The following USP9X variants were observed in gnomAD, a reference collection of about 807,000 sequenced individuals.
USP9X encodes ubiquitin carboxyl-terminal hydrolase 9X.
USP9X carries 7 observed loss-of-function variants against 190.3 expected under a neutral mutation model. The ratio of observed to expected loss-of-function variants is 0.04; its 90% CI spans 0.02 to 0.07. USP9X has a LOEUF of 0.07. Ranked by LOEUF, USP9X falls within the 10% of genes least tolerant of loss-of-function variation. USP9X has a pLI of 1.00. For missense variants in USP9X, 1,010 were observed against 1,916.9 expected, an observed-to-expected ratio of 0.53 and a Z score of 8.83; for synonymous variants, 645 against 659.5, an observed-to-expected ratio of 0.98 and a Z score of 0.34.
chrX:41,208,940 C>A (rs1044325638), intron 32 of USP9X, among the ~76,000 whole-genome samples: 1 of 110,832 alleles, frequency 9.0e-6, no homozygotes, highest in Admixed American at 9.7e-5. Context: ...GAACTCCTGA[C>A]CTCGTGATCC....
chrX:41,222,923 G>GT (rs2063277579), intron 38 of USP9X, among the ~76,000 whole-genome samples: 1 of 111,429 alleles, frequency 9.0e-6, no homozygotes, highest in Non-Finnish European at 1.9e-5. Flanking sequence ...AAGAAAGAAA[G>GT]TGTTCATCTT....
chrX:41,236,373 G>C lies in USP9X; in HGVS notation c.*3849G>C, dbSNP rs2063398421. On this transcript the variant is annotated 3_prime_UTR_variant, in exon 45 of 45. Coordinates refer to ENST00000378308, the MANE Select transcript of USP9X (RefSeq NM_001039591.3). ...TTAGCACTTTCCCTCCAAATTTATAGGTGTAAGAGAAGCGGGGGCAAGGTG... is the reference window on the plus strand; with the variant it reads ...TTAGCACTTTCCCTCCAAATTTATACGTGTAAGAGAAGCGGGGGCAAGGTG... 9.0e-6 allele frequency: 1 copy of C among 111,720 alleles called. No homozygotes were observed. The highest frequency in any genetic ancestry group is 1.9e-5 in the Non-Finnish European group (1 of 53,079). 9.2% of individuals were successfully genotyped at this position (111,720 alleles called of 1,213,427 possible).
At chrX:41,147,328 A>G (rs1013580549) in intron 11 of USP9X, among the ~76,000 whole-genome samples, 5 of 110,413 alleles carry the variant, frequency 4.5e-5, no homozygotes, top group African/African-American at 1.6e-4. Context: ...AGCAGTTGTC[A>G]TATTCCTTTT....
intron 21 of USP9X, among the ~76,000 whole-genome samples, chrX:41,183,186 G>A (rs780299844): frequency 1.2e-4 from 13 of 109,358 alleles, no homozygotes; most frequent in African/African-American, 4.0e-4. Flanking sequence ...TGATCTGCCT[G>A]CCTCAGCTTC....
chrX:41,225,008 T>C (rs1020456482), intron 40 of USP9X, 41 bp from the exon 41 acceptor site: 7 of 1,207,280 alleles, frequency 5.8e-6, no homozygotes, highest in Non-Finnish European at 6.7e-6. Context: ...GATTTGTTAT[T>C]CCTTTCATTA....
At chrX:41,212,435 A>G (rs1347312924) in intron 33 of USP9X, among the ~76,000 whole-genome samples, 6 of 100,685 alleles carry the variant, frequency 6.0e-5, no homozygotes, top group Admixed American at 1.1e-4. Context: ...CCCCCTCTGC[A>G]AGAAACACCC....
At chrX:41,175,454 GAGACTGCATT>G (rs1466667576) in intron 21 of USP9X, among the ~76,000 whole-genome samples, 6 of 110,041 alleles carry the variant, frequency 5.5e-5, no homozygotes, top group Non-Finnish European at 7.6e-5. Context: ...CTGGGAGATG[GAGACTGCATT>G]GAGCTATATG....
intron 1 of USP9X, among the ~76,000 whole-genome samples, chrX:41,103,411 T>G (rs765294047): frequency 8.9e-6 from 1 of 112,266 alleles, no homozygotes; most frequent in African/African-American, 3.2e-5. Flanking sequence ...TCGGTACTTA[T>G]GTTAGCTTAA....
At chrX:41,203,847 A>G (rs1321077581) in intron 31 of USP9X, among the ~76,000 whole-genome samples, 4 of 110,747 alleles carry the variant, frequency 3.6e-5, no homozygotes, top group Admixed American at 1.9e-4. Flanking sequence ...ACAGGCACGC[A>G]CCACCATACC....
At chrX:41,155,620 A>G (rs768810816) in intron 14 of USP9X, among the ~76,000 whole-genome samples, 20 of 111,725 alleles carry the variant, frequency 1.8e-4, no homozygotes, top group African/African-American at 6.5e-4. Context: ...TTTCCACACA[A>G]AAAGATTGCT....
At position 41,235,251 on chromosome X, in the gene USP9X, A is replaced by T. The variant is rs2063391841; in HGVS notation, c.*2727A>T. 1.8e-5 allele frequency: 2 copies of T among 112,549 alleles called. No individual in the cohort carries two copies. The highest frequency in any genetic ancestry group is 6.5e-5 in the African/African-American group (2 of 30,883). 9.3% of individuals were successfully genotyped at this position (112,549 alleles called of 1,213,427 possible). A position where few individuals can be genotyped will look rare whatever the true frequency, so the allele number is the denominator to read the frequency against. ...TTTGTTTGTGCAAATTATTTTCTAT[A>T]TTTAACTCAAGCATTAATGTATAAC... On this transcript the variant is annotated 3_prime_UTR_variant, in exon 45 of 45. Coordinates refer to ENST00000378308, the MANE Select transcript of USP9X (RefSeq NM_001039591.3).
intron 1 of USP9X, among the ~76,000 whole-genome samples, chrX:41,095,372 T>A (rs193053844): frequency 2.3e-3 from 256 of 111,965 alleles, no homozygotes; most frequent in African/African-American, 7.7e-3. Flanking sequence ...CAGGGTTTTT[T>A]AACCCTATTG....
At chrX:41,105,827 G>T (rs1414641183) in intron 1 of USP9X, among the ~76,000 whole-genome samples, 5 of 111,943 alleles carry the variant, frequency 4.5e-5, no homozygotes, top group Non-Finnish European at 9.4e-5. Context: ...CTGCCTTTTT[G>T]ATTATAGCCA....
At chrX:41,158,743 G>A (rs1441738889) in intron 14 of USP9X, among the ~76,000 whole-genome samples, 1 of 111,244 alleles carries the variant, frequency 9.0e-6, no homozygotes, top group Non-Finnish European at 1.9e-5. Flanking sequence ...GGGGTGGGGG[G>A]CTCACCTCCT....
At chrX:41,226,981 T>TA (rs1279011143) in intron 41 of USP9X, among the ~76,000 whole-genome samples, 1 of 111,665 alleles carries the variant, frequency 9.0e-6, no homozygotes, top group Non-Finnish European at 1.9e-5. Flanking sequence ...TGTAAGCACT[T>TA]ACAGTTTTAA....
chrX:41,090,710 C>T (rs1169579340), intron 1 of USP9X, among the ~76,000 whole-genome samples: 3 of 111,368 alleles, frequency 2.7e-5, no homozygotes, highest in African/African-American at 9.8e-5. Context: ...AATTGAGACC[C>T]TTTGCATGTC....
intron 18 of USP9X, among the ~76,000 whole-genome samples, chrX:41,168,953 G>T (rs1004021188): frequency 2.7e-5 from 3 of 111,231 alleles, no homozygotes; most frequent in African/African-American, 9.8e-5. Flanking sequence ...TCTTGAATAT[G>T]ATTTTTATTT....
At chrX:41,145,517 C>T (rs946484489) in intron 11 of USP9X, among the ~76,000 whole-genome samples, 1 of 111,602 alleles carries the variant, frequency 9.0e-6, no homozygotes, top group Non-Finnish European at 1.9e-5. Flanking sequence ...CAATATTTCA[C>T]GGCAATGAAA....
At chrX:41,178,084 CTTTTTTTTTTT>C (rs758055868) in intron 21 of USP9X, among the ~76,000 whole-genome samples, 65 of 34,316 alleles carry the variant, frequency 1.9e-3, no homozygotes, top group South Asian at 4.8e-3. Flanking sequence ...AGGTTTAAAT[CTTTTTTTTTTT>C]TTTTTTTTTT....
Sources: allele counts gnomAD v4.1 joint callset (sites outside exome capture counted in the v4.1 genomes callset), GRCh38; gene constraint gnomAD v4.1.1; transcripts MANE v1.5; gene names NCBI Gene and HGNC (gene_info 2026-07-23, HGNC 2026-07-21).